The following FRA10AC1 variants were observed in gnomAD, a reference collection of about 807,000 sequenced individuals.
FRA10AC1 encodes the protein FRA10A associated CGG repeat 1, also known as protein FRA10AC1.
A neutral mutation model predicts 56.5 loss-of-function variants in FRA10AC1; 43 were observed. The ratio of observed to expected loss-of-function variants is 0.76; its 90% CI spans 0.60 to 0.98. The LOEUF is 0.98. Among genes scored for constraint, FRA10AC1 ranks in the 50% least tolerant of loss-of-function variants. FRA10AC1 has a pLI of 0.00. For missense variants in FRA10AC1, 346 were observed against 351.8 expected, an observed-to-expected ratio of 0.98 and a Z score of 0.13; for synonymous variants, 112 against 110.5, an observed-to-expected ratio of 1.01 and a Z score of -0.09.
At chr10:93,681,368 C>A in intron 11 of FRA10AC1, 112 bp downstream of exon 11, 1 of 722,286 alleles carries the variant, frequency 1.4e-6, no homozygotes, top group Non-Finnish European at 2.2e-6. Flanking sequence ...TTCCTCTCAA[C>A]TACCATAAAA....
In FRA10AC1 at chr10:93,698,147, C is replaced by T. The variant is rs760914941; in HGVS notation, c.208G>A (p.Ala70Thr). 4.5e-6 allele frequency: 7 copies of T among 1,569,458 alleles called. No individual in the cohort carries two copies. In the Admixed American group the frequency reaches 9.1e-5, roughly 20 times the overall value. The stretch of plus-strand genomic sequence containing the variant: ...TAAAAAAAGGATACAGCATCCATAG[C>T]TATGAGATGAAACCTTCTATTTCTT... Reference protein sequence around the residue: ...EARNRRFHLIAMDAYQRHTKF... With the variant: ...EARNRRFHLITMDAYQRHTKF... Residue 70 changes from alanine (A) to threonine (T), a missense_variant, in exon 4 of 14, where the codon GCT becomes ACT. Transcript: ENST00000359204.
intron 12 of FRA10AC1, chr10:93,673,233 A>T: frequency 2.3e-6 from 1 of 434,180 alleles, no homozygotes; most frequent in Non-Finnish European, 4.6e-6. Flanking sequence ...CTGCCAACCC[A>T]GAGTCATAAA....
intron 2 of FRA10AC1, 76 bp from the exon 3 acceptor site, chr10:93,698,472 G>T: frequency 1.3e-6 from 1 of 789,120 alleles, no homozygotes; most frequent in Non-Finnish European, 2.0e-6. Flanking sequence ...TTCATAACTG[G>T]AATATACTTT....
At chr10:93,671,045 A>C in intron 12 of FRA10AC1, 197 bp from the exon 13 acceptor site, 5 of 480,388 alleles carry the variant, frequency 1.0e-5, no homozygotes, top group Admixed American at 3.3e-5. Flanking sequence ...AAAGAATCTC[A>C]GCAAAAAGGC....
intron 12 of FRA10AC1, chr10:93,672,084 A>G (rs372197541): frequency 8.9e-6 from 4 of 451,210 alleles, no homozygotes; most frequent in East Asian, 7.0e-5. Flanking sequence ...AATAATGATT[A>G]TTAGTCTAAA....
intron 11 of FRA10AC1, among the ~76,000 whole-genome samples, chr10:93,677,793 G>A (rs1308600839): frequency 6.6e-6 from 1 of 152,212 alleles, no homozygotes; most frequent in Non-Finnish European, 1.5e-5. Context: ...GTCTGAGATT[G>A]TGAGTTGCTA....
At position 93,690,413 on chromosome 10, in the gene FRA10AC1, T is replaced by C. The variant is rs150067373; in HGVS notation, c.465+1596A>G. Among the ~76,000 whole-genome samples the C allele has an allele frequency of 2.4e-3, 366 of 152,310 alleles. 1 individual carries two copies. The highest frequency in any genetic ancestry group is 8.3e-3 in the African/African-American group (347 of 41,576). ...ATTTTCTTTAAAGTACGATTTCTAG[T>C]GGTATCCATTTTTGAAAAATTGAGA... On this transcript the variant is annotated intron_variant, in intron 7 of 13. Transcript: ENST00000359204.
Position 93,702,570 on chromosome 10 carries a change from G to T in FRA10AC1, c.-196C>A. 4.4e-6 allele frequency: 1 copy of T among 227,370 alleles called. No individual in the cohort carries two copies. Among genetic ancestry groups the T allele is most frequent in the Non-Finnish European group, 8.6e-6 (1 of 116,646 alleles). 14.1% of individuals were successfully genotyped at this position (227,370 alleles called of 1,614,324 possible). On this transcript the variant is annotated 5_prime_UTR_variant, in exon 1 of 14. Transcript: ENST00000359204. Reference sequence around the variant, plus strand: ...CGCCCGCAACCCGCCTCTCCCTACGGGTCCCGACTGGGCACCACTTCCGGT... The same window carrying T: ...CGCCCGCAACCCGCCTCTCCCTACGTGTCCCGACTGGGCACCACTTCCGGT...
At chr10:93,689,277 T>A (rs10882302) in intron 7 of FRA10AC1, among the ~76,000 whole-genome samples, 14,496 of 152,010 alleles carry the variant, frequency 0.095, 801 homozygotes, top group Middle Eastern at 0.13. Flanking sequence ...TTATTTTTTT[T>A]AAAAAATCAT....
Position 93,687,418 on chromosome 10 carries a change from ACTT to A in FRA10AC1, c.494_496del (p.Glu165del), listed in dbSNP as rs1427003828. The A allele has an allele frequency of 2.6e-6, 4 of 1,515,708 alleles. No homozygotes were observed. Among genetic ancestry groups the A allele is most frequent in the African/African-American group, 2.8e-5 (2 of 71,382 alleles). 93.9% of individuals were successfully genotyped at this position (1,515,708 alleles called of 1,614,324 possible). A position where few individuals can be genotyped will look rare whatever the true frequency, so the allele number is the denominator to read the frequency against. On this transcript the variant is annotated inframe_deletion, in exon 8 of 14. Transcript: ENST00000359204. ...TAAAGAATTACCTTTTCCTGAAATT[ACTT>A]CTTTTTCTACTCGCCACCTAAATCC... is the stretch of plus-strand genomic sequence containing the variant.
At chr10:93,702,150 T>C (rs1039386071) in intron 1 of FRA10AC1, among the ~76,000 whole-genome samples, 3 of 151,742 alleles carry the variant, frequency 2.0e-5, no homozygotes, top group Non-Finnish European at 4.4e-5. Context: ...AACTCACTGG[T>C]TGAACTAAAA....
chr10:93,688,273 T>C (rs1172194799), intron 7 of FRA10AC1, among the ~76,000 whole-genome samples: 1 of 152,122 alleles, frequency 6.6e-6, no homozygotes, highest in Non-Finnish European at 1.5e-5. Flanking sequence ...TACATATATA[T>C]GATTTCAACT....
At chr10:93,692,841 G>A (rs979446595) in intron 5 of FRA10AC1, 112 bp from the exon 6 acceptor site, 1 of 558,330 alleles carries the variant, frequency 1.8e-6, no homozygotes, top group Non-Finnish European at 3.1e-6. Flanking sequence ...CATGAAGATA[G>A]TTTTTTGGTG....
At chr10:93,681,968 T>C (rs72808871) in intron 10 of FRA10AC1, among the ~76,000 whole-genome samples, 13,040 of 152,038 alleles carry the variant, frequency 0.086, 669 homozygotes, top group East Asian at 0.27. Context: ...TCCACCTACA[T>C]GTTAAAAAAA....
intron 11 of FRA10AC1, among the ~76,000 whole-genome samples, chr10:93,680,435 G>A (rs1299403463): frequency 6.6e-6 from 1 of 152,038 alleles, no homozygotes; most frequent in African/African-American, 2.4e-5. Flanking sequence ...TCAATTTTAC[G>A]AAGTCTAAAG....
chr10:93,680,051 G>A (rs1045537809), intron 11 of FRA10AC1, among the ~76,000 whole-genome samples: 2 of 152,124 alleles, frequency 1.3e-5, no homozygotes, highest in African/African-American at 4.8e-5. Context: ...CGCATAATAC[G>A]AAGGGTCCAA....
At chr10:93,683,102 G>C (rs893032221) in intron 10 of FRA10AC1, among the ~76,000 whole-genome samples, 7 of 152,204 alleles carry the variant, frequency 4.6e-5, no homozygotes, top group Non-Finnish European at 2.9e-5. Context: ...TTTAATGCCA[G>C]GTACTGTGGC....
chr10:93,693,564 CATAT>C (rs1159010552), intron 5 of FRA10AC1, among the ~76,000 whole-genome samples: 4 of 99,194 alleles, frequency 4.0e-5, no homozygotes, highest in African/African-American at 1.4e-4. Flanking sequence ...ATACATACAC[CATAT>C]ATATATACAC....
At chr10:93,671,400 T>C (rs1266364213) in intron 12 of FRA10AC1, 3 of 152,594 alleles carry the variant, frequency 2.0e-5, no homozygotes, top group Non-Finnish European at 4.4e-5. Flanking sequence ...TTGCTGGGAG[T>C]GAAAATTCTG....
Sources: gnomAD v4.1 joint callset for allele counts (sites outside exome capture counted in the v4.1 genomes callset) on GRCh38, gnomAD v4.1.1 for gene constraint, MANE v1.5 for transcripts, NCBI Gene and HGNC (gene_info 2026-07-23, HGNC 2026-07-21) for gene names.